The following NAV2 variants were observed in gnomAD, a reference collection of about 807,000 sequenced individuals.
The protein encoded by NAV2 is neuron navigator 2, also known as helicase, APC down-regulated 1.
Under a neutral mutation model 223.2 loss-of-function variants are expected in NAV2, and 54 were observed. The ratio of observed to expected loss-of-function variants is 0.24; its 90% CI spans 0.19 to 0.30. The LOEUF is 0.30. Among genes scored for constraint, NAV2 ranks in the 10% least tolerant of loss-of-function variants. NAV2 has a pLI of 1.00. For missense variants in NAV2, 2,806 were observed against 3,147.5 expected (o/e 0.89, Z 2.60); for synonymous variants, 1,279 against 1,239.3 (o/e 1.03, Z -0.67).
At chr11:20,107,447 C>T (rs1181134273) in intron 35 of NAV2, 2 of 574,798 alleles carry the variant, frequency 3.5e-6, no homozygotes, top group Non-Finnish European at 3.1e-6. Context: ...TAAAGCCTTT[C>T]CTGGAGGAGG....
At chr11:19,891,624 G>A (rs181734179) in intron 5 of NAV2, among the ~76,000 whole-genome samples, 94 of 152,312 alleles carry the variant, frequency 6.2e-4, no homozygotes, top group African/African-American at 2.2e-3. Context: ...TCAAAATAAT[G>A]CCTTTGGAGA....
At chr11:19,785,260 T>A (rs1466104206) in intron 1 of NAV2, among the ~76,000 whole-genome samples, 1 of 152,224 alleles carries the variant, frequency 6.6e-6, no homozygotes, top group Non-Finnish European at 1.5e-5. Flanking sequence ...AGAGCTGAAA[T>A]GACTGGCCCA....
intron 6 of NAV2, among the ~76,000 whole-genome samples, chr11:19,925,683 G>A (rs894306114): frequency 5.3e-5 from 8 of 151,978 alleles, no homozygotes; most frequent in South Asian, 4.2e-4. Context: ...GGGAGGCGGA[G>A]GTTGCAGTGA....
chr11:20,103,368 A>C lies in NAV2; in HGVS notation c.6531A>C (p.Gly2177=), dbSNP rs2243411. Residue 2177 remains glycine (G), a synonymous_variant, in exon 33 of 38, where the codon GGA becomes GGC. Coordinates refer to ENST00000349880, the MANE Select transcript of NAV2 (RefSeq NM_145117.5). ...LDNLHHVSSL[G]EIFNGLLNCK... ...ACCTACACCACGTGAGCTCTCTGGG[A>C]GAGATCTTCAATGGGCTGCTCAACT... is the stretch of plus-strand genomic sequence containing the variant. 0.98 allele frequency: 1,582,053 copies of C among 1,614,112 alleles called. 776,578 individuals carry two copies. Among genetic ancestry groups the C allele is most frequent in the Non-Finnish European group, 0.99 (1,171,195 of 1,180,000 alleles).
At chr11:19,807,884 T>C (rs1040001322) in intron 1 of NAV2, among the ~76,000 whole-genome samples, 1 of 152,212 alleles carries the variant, frequency 6.6e-6, no homozygotes, top group African/African-American at 2.4e-5. Flanking sequence ...ATTCTGCATT[T>C]TGCATATTTG....
intron 1 of NAV2, among the ~76,000 whole-genome samples, chr11:19,601,788 G>C (rs539219438): frequency 3.7e-4 from 57 of 152,312 alleles, no homozygotes; most frequent in African/African-American, 1.3e-3. Context: ...GGATGATTTG[G>C]TTGCAAGGAA....
At chr11:19,947,366 G>A (rs902015219) in intron 9 of NAV2, among the ~76,000 whole-genome samples, 1 of 152,210 alleles carries the variant, frequency 6.6e-6, no homozygotes, top group Non-Finnish European at 1.5e-5. Context: ...GACCAAATTG[G>A]CTCTTCCAGA....
At chr11:19,647,313 T>C (rs76630008) in intron 1 of NAV2, among the ~76,000 whole-genome samples, 6,049 of 152,022 alleles carry the variant, frequency 0.04, 153 homozygotes, top group Middle Eastern at 0.082. Flanking sequence ...GACTGTGGAG[T>C]AGTCCTCAGA....
intron 1 of NAV2, among the ~76,000 whole-genome samples, chr11:19,726,487 C>G (rs1354835745): frequency 6.6e-6 from 1 of 152,170 alleles, no homozygotes; most frequent in Non-Finnish European, 1.5e-5. Flanking sequence ...CCCCAGATAC[C>G]AACAGCACTC....
chr11:19,384,599 C>T (rs1338075997), intron 1 of NAV2: 6 of 152,246 alleles, frequency 3.9e-5, no homozygotes, highest in Non-Finnish European at 8.8e-5. Context: ...ATCTCTCCAC[C>T]CCTCACCTTC....
chr11:19,434,919 T>C (rs1220179102), intron 1 of NAV2, among the ~76,000 whole-genome samples: 1 of 150,596 alleles, frequency 6.6e-6, no homozygotes, highest in Non-Finnish European at 1.5e-5. Context: ...AAAATATGTC[T>C]CAACTTCTCA....
At chr11:19,533,555 C>T (rs1265395122) in intron 1 of NAV2, among the ~76,000 whole-genome samples, 1 of 152,096 alleles carries the variant, frequency 6.6e-6, no homozygotes, top group African/African-American at 2.4e-5. Context: ...TGGGTGAAAC[C>T]CCAATGAAAC....
At chr11:19,579,082 A>G (rs1257491915) in intron 1 of NAV2, among the ~76,000 whole-genome samples, 1 of 152,192 alleles carries the variant, frequency 6.6e-6, no homozygotes, top group Non-Finnish European at 1.5e-5. Context: ...CCAAGAATAA[A>G]AGCCATATGA....
At chr11:20,109,486 G>A (rs2062447679) in intron 36 of NAV2, among the ~76,000 whole-genome samples, 1 of 152,148 alleles carries the variant, frequency 6.6e-6, no homozygotes, top group African/African-American at 2.4e-5. Context: ...AAATGGTTTT[G>A]TTAAGACCAC....
At chr11:20,115,449 G>C (rs941820512) in intron 37 of NAV2, among the ~76,000 whole-genome samples, 8 of 151,834 alleles carry the variant, frequency 5.3e-5, no homozygotes, top group African/African-American at 1.9e-4. Context: ...TGGCTAACAT[G>C]GTGAAACACC....
At position 20,009,825 on chromosome 11, in the gene NAV2, C is replaced by T. The variant is rs188681774; in HGVS notation, c.2768+25578C>T. Among the ~76,000 whole-genome samples, 11 of 152,284 alleles carry T rather than the reference C, an allele frequency of 7.2e-5. No individual in the cohort carries two copies. In the East Asian group the frequency reaches 2.1e-3, roughly 29 times the overall value. ...GCAGAGACATTCTCTTCATCCTCACCCCATCCCTTCAGGGCTCACGTTAAA... is the reference window on the plus strand; with the variant it reads ...GCAGAGACATTCTCTTCATCCTCACTCCATCCCTTCAGGGCTCACGTTAAA... On this transcript the variant is annotated intron_variant, in intron 11 of 37. Transcript: ENST00000349880.
rs371690599 is a variant in NAV2, at chr11:19,488,591, A to C, written c.75+137564A>C. Among the ~76,000 whole-genome samples, 5 of 152,342 alleles carry C rather than the reference A, an allele frequency of 3.3e-5. No individual in the cohort carries two copies. The East Asian group carries it at 9.6e-4, about 29-fold the overall frequency. The stretch of plus-strand genomic sequence containing the variant: ...ACAGGGAGTGATTTCATAAATCATC[A>C]GTTGCTTTACCTCTAAATTGGGGAT... On this transcript the variant is annotated intron_variant, in intron 1 of 37. Transcript: ENST00000360655.
At chr11:19,390,993 C>T (rs1321143950) in intron 1 of NAV2, among the ~76,000 whole-genome samples, 1 of 152,130 alleles carries the variant, frequency 6.6e-6, no homozygotes, top group Non-Finnish European at 1.5e-5. Context: ...CTAATTCATT[C>T]CTGTCTTAAG....
chr11:19,394,684 CT>C (rs761567869), intron 1 of NAV2, among the ~76,000 whole-genome samples: 10 of 152,180 alleles, frequency 6.6e-5, no homozygotes, highest in South Asian at 2.1e-4. Flanking sequence ...GAGCTGAAAT[CT>C]GCAGGCAGAG....
Sources: gnomAD v4.1 joint callset for allele counts (sites outside exome capture counted in the v4.1 genomes callset) on GRCh38, gnomAD v4.1.1 for gene constraint, MANE v1.5 for transcripts, NCBI Gene and HGNC (gene_info 2026-07-23, HGNC 2026-07-21) for gene names.